Variants in EIF4G1 observed in about 807,000 individuals in gnomAD.
EIF4G1 encodes the protein EIF4-gamma.
Under a neutral mutation model 187.8 loss-of-function variants are expected in EIF4G1, and 4 were observed. The observed-to-expected ratio is 0.02, with a 90% CI of 0.01 to 0.05. EIF4G1 has a LOEUF of 0.05. Ranked by LOEUF, EIF4G1 falls within the 10% of genes least tolerant of loss-of-function variation. EIF4G1 has a pLI of 1.00. For synonymous variants in EIF4G1, 844 were observed against 781.4 expected, an observed-to-expected ratio of 1.08 and a Z score of -1.34; for missense variants, 1,647 against 2,081.1, an observed-to-expected ratio of 0.79 and a Z score of 4.06.
intron 9 of EIF4G1, 65 bp from the exon 10 acceptor site, chr3:184,321,217 T>C: frequency 6.2e-7 from 1 of 1,601,326 alleles, no homozygotes; most frequent in African/African-American, 1.3e-5. Context: ...GGCTGGAGGA[T>C]GGGGAGGAAC....
Position 184,325,038 on chromosome 3 carries a change from A to G in EIF4G1, c.2780A>G (p.His927Arg), listed in dbSNP as rs1324863648. The change falls in exon 18 of 33, where the codon CAT becomes CGT. Residue 927 changes from histidine (H) to arginine (R), a missense_variant. Around this residue, in one of 11 missense-constraint regions of EIF4G1, gnomAD observed 142 missense variants for 296.6 expected, o/e 0.48. Coordinates refer to ENST00000346169, the MANE Select transcript of EIF4G1 (RefSeq NM_198241.3). The surrounding 1 kb of genome is among the most constrained non-coding windows in gnomAD (Gnocchi z 5.2). ...TGTGTGGTCAAACTGCTTAAGAACC[A>G]TGATGAAGAGTCCCTTGAGTGCCTT... is the stretch of plus-strand genomic sequence containing the variant. ...HDCVVKLLKN[H>R]DEESLECLCR... 1 of 1,614,226 alleles carries G rather than the reference A, an allele frequency of 6.2e-7. No homozygotes were observed.
intron 3 of EIF4G1, 114 bp downstream of exon 3, chr3:184,315,970 AT>A (rs1560205375): frequency 6.6e-7 from 1 of 1,512,898 alleles, no homozygotes; most frequent in Non-Finnish European, 8.9e-7. Context: ...CTGCTGCCAA[AT>A]TGAGACAGGG....
intron 5 of EIF4G1, 89 bp from the exon 6 acceptor site, chr3:184,317,628 T>C: frequency 6.5e-7 from 1 of 1,534,242 alleles, no homozygotes; most frequent in African/African-American, 1.4e-5. Flanking sequence ...AGTTGGCTTG[T>C]CTTGTCTTGA....
chr3:184,328,704 C>A lies in EIF4G1; in HGVS notation c.4027C>A (p.Leu1343Met). Reference sequence around the variant, plus strand: ...CCACGTGTGGCTCTACCTAGCGGAACTGGTAACACCCATTCTGCAGGAAGG... The same window carrying A: ...CCACGTGTGGCTCTACCTAGCGGAAATGGTAACACCCATTCTGCAGGAAGG... Reference protein sequence around the residue: ...IPHVWLYLAELVTPILQEGGV... With the variant: ...IPHVWLYLAEMVTPILQEGGV... The change falls in exon 27 of 33, where the codon CTG becomes ATG. Residue 1343 changes from leucine to methionine, a missense_variant. This residue lies in a region of EIF4G1 where 543 missense variants were observed against 638.0 expected (regional missense o/e 0.85). Transcript: ENST00000346169. 6.2e-7 allele frequency: 1 copy of A among 1,614,172 alleles called. No individual in the cohort carries two copies. Among genetic ancestry groups the A allele is most frequent in the Non-Finnish European group, 8.5e-7 (1 of 1,180,024 alleles).
chr3:184,315,744 C>T lies in EIF4G1; in HGVS notation c.-34-19C>T. The T allele has an allele frequency of 3.9e-6, 6 of 1,536,924 alleles. No individual in the cohort carries two copies. In the South Asian group the frequency reaches 6.0e-5, roughly 15 times the overall value. ...GCTTGGGTCCCTTCCTCTTCCTGAG[C>T]GCCACTCTTTCCCAACAGGTGCTGG... On this transcript the variant is annotated intron_variant, in intron 2 of 32. Transcript: ENST00000346169.
chr3:184,323,378 C>G lies in EIF4G1; in HGVS notation c.2089-30C>G. ...CATATTGTGCTGACTAGTTCCATGT[C>G]CCCTCTTGTCTTCATCCCTTGCTTA... is the stretch of plus-strand genomic sequence containing the variant. On this transcript the variant is annotated intron_variant, in intron 14 of 32. Transcript: ENST00000346169. The surrounding 1 kb of genome is among the most constrained non-coding windows in gnomAD (Gnocchi z 6.9). 1 of 1,613,928 alleles carries G rather than the reference C, an allele frequency of 6.2e-7. No individual in the cohort carries two copies. The highest frequency in any genetic ancestry group is 8.5e-7 in the Non-Finnish European group (1 of 1,179,918).
chr3:184,330,755 T>A (rs771744571), intron 28 of EIF4G1, among the ~76,000 whole-genome samples: 2 of 152,102 alleles, frequency 1.3e-5, no homozygotes, highest in Admixed American at 6.5e-5. Context: ...TATTATTATT[T>A]TTTTGAGACA....
rs1285373494 is a variant in EIF4G1 at position 184,323,075 on chromosome 3, C to CT, written c.1930-5dup. ...TGCTTCTGAGACCTTTTCCTGTCCT[C>CT]TTTGCAGGCCAATAAAACACCACTG... On this transcript the variant is annotated splice_polypyrimidine_tract_variant and splice_region_variant and intron_variant, in intron 13 of 32. Coordinates refer to ENST00000346169, the MANE Select transcript of EIF4G1 (RefSeq NM_198241.3). This position sits in a 1 kb window ranked among gnomAD's most constrained non-coding sequence, Gnocchi z 6.9. 1.9e-6 allele frequency: 3 copies of CT among 1,614,096 alleles called. No individual in the cohort carries two copies. Among genetic ancestry groups the CT allele is most frequent in the Non-Finnish European group, 2.5e-6 (3 of 1,180,054 alleles).
Position 184,325,385 on chromosome 3 carries a change from C to A in EIF4G1, c.2961+12C>A. The A allele has an allele frequency of 6.2e-7, 1 of 1,614,156 alleles. No homozygotes were observed. The highest frequency in any genetic ancestry group is 8.5e-7 in the Non-Finnish European group (1 of 1,180,008). On this transcript the variant is annotated intron_variant, in intron 19 of 32. Coordinates refer to ENST00000346169, the MANE Select transcript of EIF4G1 (RefSeq NM_198241.3). The surrounding 1 kb of genome is among the most constrained non-coding windows in gnomAD (Gnocchi z 5.2). ...TGGATCTGCGAGGGGTGTGTGTCCC[C>A]CTCCTCCCCACTGCCAGCCTGCTGC...
chr3:184,314,939 G>A (rs1722451736), intron 1 of EIF4G1, among the ~76,000 whole-genome samples: 1 of 151,140 alleles, frequency 6.6e-6, no homozygotes, highest in Admixed American at 6.6e-5. Context: ...GTTCGTCGCC[G>A]CGAAATGCCA....
intron 6 of EIF4G1, 44 bp from the exon 7 acceptor site, chr3:184,319,645 G>T (rs752705762): frequency 1.6e-6 from 2 of 1,268,282 alleles, no homozygotes; most frequent in East Asian, 5.0e-5. Flanking sequence ...ATATGGTTGG[G>T]CCCTGACGCT....
intron 22 of EIF4G1, 43 bp downstream of exon 22, chr3:184,326,672 C>T (rs1417157579): frequency 6.3e-7 from 1 of 1,599,704 alleles, no homozygotes; most frequent in Non-Finnish European, 8.5e-7. Flanking sequence ...CCCGTCAGAG[C>T]TCCCTTGAGG....
At chr3:184,326,168 A>T (rs536739954) in intron 21 of EIF4G1, among the ~76,000 whole-genome samples, 19 of 150,094 alleles carry the variant, frequency 1.3e-4, no homozygotes, top group Non-Finnish European at 2.5e-4. Flanking sequence ...ACACACACAC[A>T]CGTGCCAGAT....
rs111500185 is a variant in EIF4G1, at chr3:184,324,213, A to G, written c.2485A>G (p.Thr829Ala). The change falls in exon 17 of 33, where the codon ACT becomes GCT. Residue 829 changes from threonine (T) to alanine (A), a missense_variant. Physicochemically the swap from Thr to Ala is moderately conservative, Grantham distance 58 (BLOSUM62 0). Transcript: ENST00000346169. ...CRCLMALKVP[T>A]TEKPTVTVNF... ...CTCTGACCTACAGCTGAAAGTGCCC[A>G]CTACGGAAAAGCCAACAGTGACTGT... 1.2e-6 allele frequency: 2 copies of G among 1,614,122 alleles called. No homozygotes were observed. The highest frequency in any genetic ancestry group is 1.1e-5 in the South Asian group (1 of 91,090).
In EIF4G1 at chr3:184,334,377, TTATG is replaced by T. The variant is rs1475268122; in HGVS notation, c.4619-345_4619-342del. 2.0e-5 allele frequency among the ~76,000 whole-genome samples: 3 copies of T among 152,124 alleles called. No individual in the cohort carries two copies. Among genetic ancestry groups the T allele is most frequent in the Non-Finnish European group, 4.4e-5 (3 of 68,028 alleles). Reference sequence around the variant, plus strand: ...TTACATGTAGGATATATATAGGACTTTATGTATGATATATATAGGACTTTTAGCG... The same window carrying T: ...TTACATGTAGGATATATATAGGACTTTATGATATATATAGGACTTTTAGCG... On this transcript the variant is annotated intron_variant, in intron 32 of 32. Transcript: ENST00000346169. The surrounding 1 kb of genome is among the most constrained non-coding windows in gnomAD (Gnocchi z 5.8).
At position 184,325,196 on chromosome 3, in the gene EIF4G1, TGAG is replaced by T. The variant is rs1326286808; in HGVS notation, c.2857-68_2857-66del. 6.2e-7 allele frequency: 1 copy of T among 1,603,624 alleles called. No individual in the cohort carries two copies. Among genetic ancestry groups the T allele is most frequent in the Non-Finnish European group, 8.5e-7 (1 of 1,170,766 alleles). On this transcript the variant is annotated intron_variant, in intron 18 of 32. Coordinates refer to ENST00000346169, the MANE Select transcript of EIF4G1 (RefSeq NM_198241.3). This position sits in a 1 kb window ranked among gnomAD's most constrained non-coding sequence, Gnocchi z 5.2. ...GCCCACAATGATGGGGCGGAAGGCC[TGAG>T]GAGGGGTGGGGCCTGCAGTTATAGG...
chr3:184,322,776 G>A (rs1177939012), intron 12 of EIF4G1, 45 bp from the exon 13 acceptor site: 1 of 1,614,082 alleles, frequency 6.2e-7, no homozygotes, highest in African/African-American at 1.3e-5. Context: ...TTCTTATTAG[G>A]GCCAGAGGAG....
rs1181504625 is a variant in EIF4G1 at position 184,327,630 on chromosome 3, G to A, written c.3706G>A (p.Ala1236Thr). Residue 1236 changes from alanine to threonine, a missense_variant, in exon 25 of 33, where the codon GCT becomes ACT. Coordinates refer to ENST00000346169, the MANE Select transcript of EIF4G1 (RefSeq NM_198241.3). ...ALPPVSPLKA[A>T]LSEEELEKKS... ...ACCCCCAGTGAGCCCCCTGAAGGCG[G>A]CTCTCTCTGAGGAGGAGTTAGAGAA... The A allele has an allele frequency of 6.2e-7, 1 of 1,614,194 alleles. No individual in the cohort carries two copies.
Position 184,315,838 on chromosome 3 carries a change from A to AAC in EIF4G1, c.42_43insAC (p.Ser15ThrfsTer28). On this transcript the variant is annotated frameshift_variant, in exon 3 of 33. Coordinates refer to ENST00000346169, the MANE Select transcript of EIF4G1 (RefSeq NM_198241.3). LOFTEE classifies it high-confidence loss of function. The stretch of plus-strand genomic sequence containing the variant: ...AGTCCACAGGCCCCCCACCCGCCCC[A>AAC]TCCCCCGGACTCCCACAGGTAATTA... 1.6e-6 allele frequency: 1 copy of AAC among 629,290 alleles called. No homozygotes were observed. The highest frequency in any genetic ancestry group is 2.7e-6 in the Non-Finnish European group (1 of 371,050). The allele number at this position is 629,290 out of a possible 1,614,324, so 39.0% of individuals were successfully genotyped here.
Sources: allele counts gnomAD v4.1 joint callset (sites outside exome capture counted in the v4.1 genomes callset), GRCh38; gene constraint gnomAD v4.1.1; regional missense constraint gnomAD v4.1.1; non-coding constraint Gnocchi (gnomAD v3.1); transcripts MANE v1.5; gene names NCBI Gene and HGNC (gene_info 2026-07-23, HGNC 2026-07-21).